The following VAV1 variants were observed in gnomAD, a reference collection of about 807,000 sequenced individuals.
VAV1 encodes proto-oncogene vav.
In VAV1, 33 loss-of-function variants were observed where a neutral mutation model predicts 128.1. The ratio of observed to expected loss-of-function variants is 0.26; its 90% CI spans 0.20 to 0.34. The LOEUF (loss-of-function observed/expected upper bound fraction) is 0.34. Ranked by LOEUF, VAV1 falls within the 10% of genes least tolerant of loss-of-function variation. The pLI is 1.00. For synonymous variants in VAV1, 394 were observed against 409.8 expected, an observed-to-expected ratio of 0.96 and a Z score of 0.47; for missense variants, 715 against 1,093.7, an observed-to-expected ratio of 0.65 and a Z score of 4.88.
In VAV1 at chr19:6,828,572, A is replaced by T. The variant is rs1196753490; in HGVS notation, c.1093-50A>T. 1 of 1,613,394 alleles carries T rather than the reference A, an allele frequency of 6.2e-7. No individual in the cohort carries two copies. The highest frequency in any genetic ancestry group is 8.5e-7 in the Non-Finnish European group (1 of 1,179,632). On this transcript the variant is annotated intron_variant, in intron 11 of 26. Coordinates refer to ENST00000602142, the MANE Select transcript of VAV1 (RefSeq NM_005428.4). This position sits in a 1 kb window ranked among gnomAD's most constrained non-coding sequence, Gnocchi z 4.5. The stretch of plus-strand genomic sequence containing the variant: ...GATCCTCTAGCCGGGATTAGGTAGG[A>T]GCCTGGGTCGGCTGTTGGGGGGCCA...
At chr19:6,840,229 G>A (rs140529761) in intron 21 of VAV1, among the ~76,000 whole-genome samples, 365 of 151,672 alleles carry the variant, frequency 2.4e-3, no homozygotes, top group Middle Eastern at 0.021. Flanking sequence ...TTTGTCCTTT[G>A]TGTCTAGCTT....
At chr19:6,852,898 T>G in intron 24 of VAV1, 67 bp from the exon 25 acceptor site, 3 of 1,351,606 alleles carry the variant, frequency 2.2e-6, no homozygotes. Flanking sequence ...CATATGGCTG[T>G]TCCTAGCTCT....
intron 1 of VAV1, among the ~76,000 whole-genome samples, chr19:6,810,502 G>C (rs1250129093): frequency 6.6e-6 from 1 of 151,754 alleles, no homozygotes; most frequent in Non-Finnish European, 1.5e-5. Context: ...TCAGGAGTTC[G>C]AGACCAGCCT....
At chr19:6,785,304 T>G (rs1970863470) in intron 1 of VAV1, among the ~76,000 whole-genome samples, 1 of 152,098 alleles carries the variant, frequency 6.6e-6, no homozygotes, top group African/African-American at 2.4e-5. Context: ...CCCAAAGTGC[T>G]CGGATACAGA....
In VAV1 at chr19:6,821,658, A is replaced by T. The variant is rs1971787217; in HGVS notation, c.358A>T (p.Ile120Phe). Residue 120 changes from isoleucine (I) to phenylalanine (F), a missense_variant, in exon 3 of 27, where the codon ATC becomes TTC. By Grantham distance (21) the Ile-to-Phe change is conservative. Transcript: ENST00000602142. The stretch of plus-strand genomic sequence containing the variant: ...CCTGTCTGCTCTGTCCTGGACCCCG[A>T]TCGCCCAGAACAGGGGGATCATGTG... ...YTLSALSWTP[I>F]AQNRGIMPFP... 1 of 1,613,976 alleles carries T rather than the reference A, an allele frequency of 6.2e-7. No individual in the cohort carries two copies. The highest frequency in any genetic ancestry group is 8.5e-7 in the Non-Finnish European group (1 of 1,180,002).
At position 6,826,563 on chromosome 19, in the gene VAV1, G is replaced by T. The variant is rs1599659859; in HGVS notation, c.828-49G>T. On this transcript the variant is annotated intron_variant, in intron 8 of 26. Coordinates refer to ENST00000602142, the MANE Select transcript of VAV1 (RefSeq NM_005428.4). This position sits in a 1 kb window ranked among gnomAD's most constrained non-coding sequence, Gnocchi z 4.1. ...CCAGGGCTGACGCCAGCCTCTGCCCGACCTTGATGCCAGTCACCTTTACCT... is the reference window on the plus strand; with the variant it reads ...CCAGGGCTGACGCCAGCCTCTGCCCTACCTTGATGCCAGTCACCTTTACCT... 6.9e-7 allele frequency: 1 copy of T among 1,451,970 alleles called. No homozygotes were observed. The highest frequency in any genetic ancestry group is 1.2e-5 in the South Asian group (1 of 82,026). 89.9% of individuals were successfully genotyped at this position (1,451,970 alleles called of 1,614,324 possible).
intron 6 of VAV1, among the ~76,000 whole-genome samples, chr19:6,824,559 T>C (rs185210862): frequency 6.6e-6 from 1 of 151,844 alleles, no homozygotes; most frequent in African/African-American, 2.4e-5. Context: ...TGAGATAGAG[T>C]CTCACTCTGT....
chr19:6,850,200 AAG>A (rs1187504789), intron 23 of VAV1, among the ~76,000 whole-genome samples: 4 of 135,510 alleles, frequency 3.0e-5, no homozygotes, highest in Non-Finnish European at 4.7e-5. Flanking sequence ...TTTAAATAGG[AAG>A]AGTTTTGTTT....
intron 1 of VAV1, among the ~76,000 whole-genome samples, chr19:6,785,336 C>G (rs556417571): frequency 6.6e-6 from 1 of 152,150 alleles, no homozygotes; most frequent in East Asian, 1.9e-4. Context: ...TCACCTTTTT[C>G]TTTTTTCTTT....
intron 1 of VAV1, chr19:6,784,178 C>A: frequency 1.7e-6 from 1 of 598,378 alleles, no homozygotes; most frequent in Non-Finnish European, 3.1e-6. Context: ...CGCTTGAGCC[C>A]AGGAGTTTGA....
intron 1 of VAV1, among the ~76,000 whole-genome samples, chr19:6,794,326 G>C (rs1371675086): frequency 1.3e-5 from 2 of 152,270 alleles, no homozygotes; most frequent in Non-Finnish European, 1.5e-5. Context: ...ACATTGGGGA[G>C]AGGAGAATAC....
chr19:6,844,860 A>G (rs1050040696), intron 22 of VAV1, among the ~76,000 whole-genome samples: 10 of 152,110 alleles, frequency 6.6e-5, no homozygotes, highest in African/African-American at 2.4e-4. Flanking sequence ...ATTAAAAAAA[A>G]TCAAAAACAA....
intron 1 of VAV1, among the ~76,000 whole-genome samples, chr19:6,782,220 C>T (rs962618687): frequency 6.6e-5 from 10 of 152,034 alleles, no homozygotes; most frequent in East Asian, 1.9e-4. Flanking sequence ...ATCCCAGCTA[C>T]TCAGGAGACT....
At chr19:6,796,404 G>A (rs771917300) in intron 1 of VAV1, among the ~76,000 whole-genome samples, 4 of 151,230 alleles carry the variant, frequency 2.6e-5, no homozygotes, top group East Asian at 1.9e-4. Flanking sequence ...TGGGCATATC[G>A]GCACCTGAGA....
intron 26 of VAV1, among the ~76,000 whole-genome samples, chr19:6,856,177 A>T (rs1972794909): frequency 6.6e-6 from 1 of 152,084 alleles, no homozygotes; most frequent in Non-Finnish European, 1.5e-5. Context: ...TGCGCCTCTA[A>T]TCCCAGGTAC....
At chr19:6,780,413 A>G (rs1970743794) in intron 1 of VAV1, among the ~76,000 whole-genome samples, 1 of 150,576 alleles carries the variant, frequency 6.6e-6, no homozygotes, top group South Asian at 2.1e-4. Flanking sequence ...TTGTGTGAAC[A>G]TCAGAGTACA....
rs1971757974 is a variant in VAV1, at chr19:6,820,634, G to A, written c.205-68G>A. Reference sequence around the variant, plus strand: ...CTCCACACCAGTCCCCAAGCTAGGTGGCCTGGGGGTCAGTTTCTCCCCTGC... The same window carrying A: ...CTCCACACCAGTCCCCAAGCTAGGTAGCCTGGGGGTCAGTTTCTCCCCTGC... On this transcript the variant is annotated intron_variant, in intron 1 of 26. Transcript: ENST00000602142. The surrounding 1 kb of genome is among the most constrained non-coding windows in gnomAD (Gnocchi z 4.4). 3 of 1,288,380 alleles carry A rather than the reference G, an allele frequency of 2.3e-6. No individual in the cohort carries two copies. In the Admixed American group the frequency reaches 5.1e-5, roughly 22 times the overall value. The allele number at this position is 1,288,380 out of a possible 1,614,324, so 79.8% of individuals were successfully genotyped here. A position where few individuals can be genotyped will look rare whatever the true frequency, so the allele number is the denominator to read the frequency against.
At chr19:6,816,500 C>G (rs553702739) in intron 1 of VAV1, 4 of 145,496 alleles carry the variant, frequency 2.7e-5, no homozygotes, top group African/African-American at 1.1e-4. Flanking sequence ...CGCTCTCTCT[C>G]TCTCTCACAC....
Position 6,821,660 on chromosome 19 carries a change from C to T in VAV1, c.360C>T (p.Ile120=), listed in dbSNP as rs141823895. The change falls in exon 3 of 27, where the codon ATC becomes ATT. Residue 120 remains isoleucine (I), a synonymous_variant. Coordinates refer to ENST00000602142, the MANE Select transcript of VAV1 (RefSeq NM_005428.4). The part of the protein sequence containing the change: ...YTLSALSWTP[I]AQNRGIMPFP... ...TGTCTGCTCTGTCCTGGACCCCGAT[C>T]GCCCAGAACAGGGGGATCATGTGAG... 840 of 1,614,046 alleles carry T rather than the reference C, an allele frequency of 5.2e-4. No homozygotes were observed. Among genetic ancestry groups the T allele is most frequent in the Non-Finnish European group, 6.5e-4 (767 of 1,180,040 alleles).
Sources: allele counts gnomAD v4.1 joint callset (sites outside exome capture counted in the v4.1 genomes callset), GRCh38; gene constraint gnomAD v4.1.1; non-coding constraint Gnocchi (gnomAD v3.1); transcripts MANE v1.5; gene names NCBI Gene and HGNC (gene_info 2026-07-23, HGNC 2026-07-21).